EPHB4: variants seen among roughly 807,000 people sequenced by gnomAD.
EPHB4 encodes the protein EPH receptor B4.
EPHB4 carries 50 observed loss-of-function variants against 110.6 expected under a neutral mutation model. The ratio of observed to expected loss-of-function variants is 0.45; its 90% confidence interval spans 0.36 to 0.57. The LOEUF is 0.57. Ranked by LOEUF, EPHB4 falls within the 20% of genes least tolerant of loss-of-function variation. The probability of loss-of-function intolerance (pLI) is 0.00; values close to 1 mark genes in which losing one functional copy is unlikely to be tolerated. For synonymous variants in EPHB4, 592 were observed against 578.4 expected (o/e 1.02, Z -0.34); for missense variants, 1,128 against 1,382.1 (o/e 0.82, Z 2.91).
At position 100,803,032 on chromosome 7, in the gene EPHB4, G is replaced by C. The variant is rs56326327; in HGVS notation, c.*429C>G. ...TTTGGTGGTGACAGCAGCAAGTTGGGACTACAAACCCCAATGATTTTGTCA... is the reference window on the plus strand; with the variant it reads ...TTTGGTGGTGACAGCAGCAAGTTGGCACTACAAACCCCAATGATTTTGTCA... On this transcript the variant is annotated 3_prime_UTR_variant, in exon 17 of 17. Transcript: ENST00000358173. The C allele has an allele frequency of 0.092, 14,243 of 155,082 alleles. 732 individuals are homozygous for C. The highest frequency in any genetic ancestry group is 0.14 in the African/African-American group (5,956 of 41,624). The allele number at this position is 155,082 out of a possible 1,614,324, so 9.6% of individuals were successfully genotyped here. A position where few individuals can be genotyped will look rare whatever the true frequency, so the allele number is the denominator to read the frequency against.
rs545249365 is a variant in EPHB4, at chr7:100,822,956, A to G, written c.412-289T>C. Among the ~76,000 whole-genome samples the G allele has an allele frequency of 2.6e-5, 4 of 152,262 alleles. No homozygotes were observed. In the South Asian group the frequency reaches 8.3e-4, roughly 32 times the overall value. On this transcript the variant is annotated intron_variant, in intron 3 of 16. Transcript: ENST00000358173. This position sits in a 1 kb window ranked among gnomAD's most constrained non-coding sequence, Gnocchi z 4.7. The stretch of plus-strand genomic sequence containing the variant: ...CATGCCAGGCCTTGACCTCAGAGTC[A>G]AGGAGACAGCGATGAATGAATCCTG...
chr7:100,818,260 C>T (rs1267458828), intron 7 of EPHB4, among the ~76,000 whole-genome samples: 2 of 152,204 alleles, frequency 1.3e-5, no homozygotes, highest in Non-Finnish European at 2.9e-5. Context: ...CTCAGCCTCC[C>T]AAAGTGCTTG....
In EPHB4 at chr7:100,807,875, C is replaced by T. The variant is rs552345552; in HGVS notation, c.2119-295G>A. Among the ~76,000 whole-genome samples the T allele has an allele frequency of 7.2e-5, 11 of 152,200 alleles. No homozygotes were observed. In the South Asian group the frequency reaches 1.2e-3, roughly 17 times the overall value. On this transcript the variant is annotated intron_variant, in intron 12 of 16. Coordinates refer to ENST00000358173, the MANE Select transcript of EPHB4 (RefSeq NM_004444.5). ...AACTCCTGGCCTGAAGCGATCCTTC[C>T]GCCTGGGTCTCCCAAAGCACTGGGA... is the stretch of plus-strand genomic sequence containing the variant.
At chr7:100,810,082 T>C (rs1383974603) in intron 12 of EPHB4, among the ~76,000 whole-genome samples, 2 of 152,098 alleles carry the variant, frequency 1.3e-5, no homozygotes, top group Non-Finnish European at 2.9e-5. Context: ...AAACCCTGTC[T>C]CTACTAAAAA....
chr7:100,818,967 C>T (rs1475742253), intron 6 of EPHB4, among the ~76,000 whole-genome samples: 5 of 152,150 alleles, frequency 3.3e-5, no homozygotes, highest in Admixed American at 3.3e-4. Context: ...TTTTCCAACA[C>T]TTCCTCTGCT....
intron 4 of EPHB4, chr7:100,821,150 G>C (rs1220661417): frequency 1.3e-5 from 2 of 151,214 alleles, no homozygotes; most frequent in African/African-American, 4.8e-5. Flanking sequence ...TCCCAGACCG[G>C]AGTGCAGTGG....
At chr7:100,812,113 G>A (rs1398704237) in intron 12 of EPHB4, among the ~76,000 whole-genome samples, 2 of 151,356 alleles carry the variant, frequency 1.3e-5, no homozygotes, top group Non-Finnish European at 2.9e-5. Context: ...CGGAGGTTGC[G>A]GTGAGCCAAG....
chr7:100,807,919 C>T (rs1288491930), intron 12 of EPHB4, among the ~76,000 whole-genome samples: 4 of 152,052 alleles, frequency 2.6e-5, no homozygotes, highest in Non-Finnish European at 5.9e-5. Context: ...GTTGAGTCAC[C>T]GTACCCAGCC....
In EPHB4 at chr7:100,827,084, C is replaced by G. The variant is rs929324650; in HGVS notation, c.-54G>C. On this transcript the variant is annotated 5_prime_UTR_variant, in exon 1 of 17. Coordinates refer to ENST00000358173, the MANE Select transcript of EPHB4 (RefSeq NM_004444.5). ...ACTGAGTTTGGGGGGCCCTCGCCCCCCCAGGTCTGACTCTCCCTGGGCGGG... is the reference window on the plus strand; with the variant it reads ...ACTGAGTTTGGGGGGCCCTCGCCCCGCCAGGTCTGACTCTCCCTGGGCGGG... The G allele has an allele frequency of 9.7e-6, 15 of 1,543,542 alleles. No homozygotes were observed. The highest frequency in any genetic ancestry group is 6.0e-5 in the South Asian group (5 of 83,778).
At chr7:100,812,706 G>A (rs962292340) in intron 12 of EPHB4, 41 bp downstream of exon 12, 3 of 1,588,882 alleles carry the variant, frequency 1.9e-6, no homozygotes, top group African/African-American at 2.7e-5. Context: ...GGGTGTAAGT[G>A]GGAACTCCGG....
At chr7:100,824,349 G>A (rs187510901) in intron 1 of EPHB4, 76 bp from the exon 2 acceptor site, 20 of 1,478,208 alleles carry the variant, frequency 1.4e-5, no homozygotes, top group Admixed American at 5.0e-5. Context: ...CCTGGGAACC[G>A]AGGCAGGTGG....
In EPHB4 at chr7:100,812,933, C is replaced by G. The variant is rs754465805; in HGVS notation, c.1932G>C (p.Val644=). The change falls in exon 12 of 17, where the codon GTG becomes GTC. Residue 644 remains valine (V), a synonymous_variant. Coordinates refer to ENST00000358173, the MANE Select transcript of EPHB4 (RefSeq NM_004444.5). Reference sequence around the variant, plus strand: ...AGCCACCCTTCAGGGTCTTGATTGCCACACAGCTCTCCTTCTTCCCTGGGG... The same window carrying G: ...AGCCACCCTTCAGGGTCTTGATTGCGACACAGCTCTCCTTCTTCCCTGGGG... ...LKAPGKKESC[V]AIKTLKGGYT... is the part of the protein sequence containing the mutation. 4 of 1,614,108 alleles carry G rather than the reference C, an allele frequency of 2.5e-6. No homozygotes were observed. The African/African-American group carries it at 4.0e-5, about 16-fold the overall frequency.
At position 100,817,363 on chromosome 7, in the gene EPHB4, C is replaced by G. The variant is rs762817852; in HGVS notation, c.1423-6G>C. 6.4e-7 allele frequency: 1 copy of G among 1,556,662 alleles called. No individual in the cohort carries two copies. Among genetic ancestry groups the G allele is most frequent in the African/African-American group, 1.4e-5 (1 of 73,018 alleles). ...CTGCTGGGACCCTCGGCGCCCTGTC[C>G]GGGAGAGGTAGTGGGGTGGCCGTCA... On this transcript the variant is annotated splice_polypyrimidine_tract_variant and splice_region_variant and intron_variant, in intron 7 of 16. Transcript: ENST00000358173.
At chr7:100,807,029 C>G (rs1812831793) in intron 13 of EPHB4, among the ~76,000 whole-genome samples, 1 of 152,100 alleles carries the variant, frequency 6.6e-6, no homozygotes, top group African/African-American at 2.4e-5. Context: ...GTGGCACATT[C>G]ATAGCTCACT....
rs559202547 is a variant in EPHB4, at chr7:100,822,675, CG to C, written c.412-9del. ...CGCGGCCACCGTGTCCACCTGCCGG[CG>C]GGGGGGAGGCACACCGCTGCTGTCC... On this transcript the variant is annotated splice_polypyrimidine_tract_variant and intron_variant, in intron 3 of 16. Coordinates refer to ENST00000358173, the MANE Select transcript of EPHB4 (RefSeq NM_004444.5). The surrounding 1 kb of genome is among the most constrained non-coding windows in gnomAD (Gnocchi z 4.7). 394 of 1,543,820 alleles carry C rather than the reference CG, an allele frequency of 2.6e-4. 2 individuals are homozygous for C. In the East Asian group the frequency reaches 6.0e-3, roughly 23 times the overall value.
rs548190160 is a variant in EPHB4 at position 100,807,707 on chromosome 7, T to C, written c.2119-127A>G. On this transcript the variant is annotated intron_variant, in intron 12 of 16. Transcript: ENST00000358173. ...CCCAGGCTGGAGTGCAGTGGTGCCA[T>C]CATAGCTCACTGCAGCCTCAACCTC... 2.3e-5 allele frequency: 22 copies of C among 939,292 alleles called. No individual in the cohort carries two copies. In the Admixed American group the frequency reaches 5.5e-4, roughly 23 times the overall value. The allele number at this position is 939,292 out of a possible 1,614,324, so 58.2% of individuals were successfully genotyped here.
intron 4 of EPHB4, 110 bp from the exon 5 acceptor site, chr7:100,820,406 G>A: frequency 7.1e-7 from 1 of 1,398,658 alleles, no homozygotes; most frequent in Non-Finnish European, 9.4e-7. Flanking sequence ...TGAGGCTGGA[G>A]GATCGCTTGA....
chr7:100,818,478 A>G lies in EPHB4; in HGVS notation c.1422+42T>C. The G allele has an allele frequency of 1.2e-6, 2 of 1,605,108 alleles. 1 individual carries two copies. The highest frequency in any genetic ancestry group is 1.7e-6 in the Non-Finnish European group (2 of 1,173,564). On this transcript the variant is annotated intron_variant, in intron 7 of 16. Transcript: ENST00000358173. Reference sequence around the variant, plus strand: ...CCAGGTGTCCCAGCCAGGAGAGCACAACCCATTGCCCACCCACCCCAGGGC... The same window carrying G: ...CCAGGTGTCCCAGCCAGGAGAGCACGACCCATTGCCCACCCACCCCAGGGC...
At chr7:100,814,148 G>T in intron 8 of EPHB4, 127 bp from the exon 9 acceptor site, 1 of 991,644 alleles carries the variant, frequency 1.0e-6, no homozygotes, top group Admixed American at 2.9e-5. Context: ...GGTGGAGGGA[G>T]AGGACACAAG....
Sources: allele counts gnomAD v4.1 joint callset (sites outside exome capture counted in the v4.1 genomes callset), GRCh38; gene constraint gnomAD v4.1.1; non-coding constraint Gnocchi (gnomAD v3.1); transcripts MANE v1.5; gene names NCBI Gene and HGNC (gene_info 2026-07-23, HGNC 2026-07-21).